FDFT1: variants seen among roughly 807,000 people sequenced by gnomAD.
FDFT1 encodes squalene synthase.
In FDFT1, 68 loss-of-function variants were observed where a neutral mutation model predicts 46.8. The ratio of observed to expected loss-of-function variants is 1.45; its 90% confidence interval spans 1.19 to 1.78. The LOEUF is 1.78. Among genes scored for constraint, FDFT1 ranks in the 40% most tolerant of loss-of-function variants. The probability of loss-of-function intolerance (pLI) is 0.00; values close to 1 mark genes in which losing one functional copy is unlikely to be tolerated. For synonymous variants in FDFT1, 351 were observed against 185.1 expected (o/e 1.90, Z -7.28); for missense variants, 928 against 524.4 (o/e 1.77, Z -7.52).
At chr8:11,797,708 GC>G (rs1182174389), upstream of FDFT1, among the ~76,000 whole-genome samples, 1 of 151,556 alleles carries the variant, frequency 6.6e-6, no homozygotes, top group Non-Finnish European at 1.5e-5. Context: ...TAAAGGAGAG[GC>G]CAGGAAACAC....
chr8:11,833,917 G>T (rs1811202834), intron 7 of FDFT1, among the ~76,000 whole-genome samples: 1 of 152,244 alleles, frequency 6.6e-6, no homozygotes, highest in African/African-American at 2.4e-5. Flanking sequence ...AATCTTTGAA[G>T]ATTTCTAAGT....
chr8:11,806,698 G>C (rs910321983), intron 1 of FDFT1, among the ~76,000 whole-genome samples: 2 of 152,134 alleles, frequency 1.3e-5, no homozygotes, highest in African/African-American at 2.4e-5. Flanking sequence ...GCCTGGTAAT[G>C]GTCAGGCTAT....
chr8:11,806,368 G>C (rs1048760294), intron 1 of FDFT1, among the ~76,000 whole-genome samples: 3 of 152,154 alleles, frequency 2.0e-5, no homozygotes, highest in Non-Finnish European at 4.4e-5. Context: ...TCCATAGTAT[G>C]CTTACTAGTT....
intron 1 of FDFT1, 60 bp from the exon 2 acceptor site, chr8:11,808,734 T>G (rs1267281653): frequency 1.3e-6 from 2 of 1,568,140 alleles, no homozygotes; most frequent in South Asian, 2.3e-5. Context: ...CCACTCCCAC[T>G]CCCACTCCCA....
intron 6 of FDFT1, 81 bp downstream of exon 6, chr8:11,830,501 T>C (rs1810629593): frequency 1.0e-6 from 1 of 973,044 alleles, no homozygotes; most frequent in Admixed American, 2.1e-5. Flanking sequence ...CTGTGCTATA[T>C]TCAAGGATAT....
At chr8:11,826,450 G>C (rs1341558419) in intron 5 of FDFT1, among the ~76,000 whole-genome samples, 1 of 152,182 alleles carries the variant, frequency 6.6e-6, no homozygotes, top group African/African-American at 2.4e-5. Flanking sequence ...ATTTCTTTCA[G>C]ACGGTCTTTC....
intron 3 of FDFT1, among the ~76,000 whole-genome samples, chr8:11,815,319 A>G (rs957242506): frequency 1.3e-5 from 2 of 152,120 alleles, no homozygotes; most frequent in African/African-American, 4.8e-5. Flanking sequence ...GAATAGTGCC[A>G]CAGTAAACAT....
chr8:11,800,535 A>C (rs1806012899), upstream of FDFT1, among the ~76,000 whole-genome samples: 1 of 152,214 alleles, frequency 6.6e-6, no homozygotes, highest in African/African-American at 2.4e-5. Flanking sequence ...AGAGGAGAAC[A>C]AAGGAAGGAG....
In FDFT1 at chr8:11,838,659, T is replaced by C. The variant is rs746629307; in HGVS notation, c.*50T>C. 2.9e-5 allele frequency: 41 copies of C among 1,399,652 alleles called. No homozygotes were observed. The African/African-American group carries it at 5.2e-4, about 18-fold the overall frequency. 86.7% of individuals were successfully genotyped at this position (1,399,652 alleles called of 1,614,324 possible). A position where few individuals can be genotyped will look rare whatever the true frequency, so the allele number is the denominator to read the frequency against. On this transcript the variant is annotated 3_prime_UTR_variant, in exon 8 of 8. Transcript: ENST00000220584. The stretch of plus-strand genomic sequence containing the variant: ...TCCACCATAAAGTGGATTTACTTTT[T>C]TTCTTTAAGGATGGATGTTGTGTTC...
intron 7 of FDFT1, among the ~76,000 whole-genome samples, chr8:11,837,954 G>C (rs1384091917): frequency 1.3e-5 from 2 of 152,194 alleles, no homozygotes; most frequent in Admixed American, 6.5e-5. Context: ...CCTTTGTCAA[G>C]CTGTGGTCTG....
chr8:11,797,715 A>C (rs1241796288), upstream of FDFT1, among the ~76,000 whole-genome samples: 2 of 152,074 alleles, frequency 1.3e-5, no homozygotes, highest in African/African-American at 4.8e-5. Context: ...GAGGCCAGGA[A>C]ACACCAGAAA....
At chr8:11,804,751 C>T (rs1585856484) in intron 1 of FDFT1, among the ~76,000 whole-genome samples, 1 of 151,744 alleles carries the variant, frequency 6.6e-6, no homozygotes. Flanking sequence ...GGATTACAGG[C>T]ACCTGCCACT....
At position 11,812,824 on chromosome 8, in the gene FDFT1, T is replaced by TA. The variant is rs750291774; in HGVS notation, c.381+2975dup. On this transcript the variant is annotated intron_variant, in intron 3 of 7. Coordinates refer to ENST00000220584, the MANE Select transcript of FDFT1 (RefSeq NM_004462.5). ...TTATACTTTAGTGATCATTAGTTGA[T>TA]ACCAGTTCAAGTCAGGCTTTCTAGA... Among the ~76,000 whole-genome samples, 7 of 152,348 alleles carry TA rather than the reference T, an allele frequency of 4.6e-5. 1 individual carries two copies. Among genetic ancestry groups the TA allele is most frequent in the South Asian group, 4.1e-4 (2 of 4,832 alleles).
intron 3 of FDFT1, among the ~76,000 whole-genome samples, chr8:11,813,930 C>T (rs377589258): frequency 2.0e-5 from 3 of 152,190 alleles, no homozygotes; most frequent in African/African-American, 7.2e-5. Context: ...CTGGGGAAAA[C>T]GTGGACCCCT....
chr8:11,806,740 C>T (rs975759146), intron 1 of FDFT1, among the ~76,000 whole-genome samples: 8 of 152,164 alleles, frequency 5.3e-5, no homozygotes, highest in East Asian at 1.9e-4. Flanking sequence ...CAGTCCAGAG[C>T]GGGTATTCTG....
At chr8:11,811,358 C>G (rs745839226) in intron 3 of FDFT1, among the ~76,000 whole-genome samples, 1 of 152,138 alleles carries the variant, frequency 6.6e-6, no homozygotes, top group Non-Finnish European at 1.5e-5. Context: ...TGGACCTAGC[C>G]TCTAGAAACA....
At chr8:11,802,438 T>C (rs998500571), upstream of FDFT1, 8 of 460,200 alleles carry the variant, frequency 1.7e-5, no homozygotes, top group Middle Eastern at 3.2e-4. Context: ...CCCCACAGCG[T>C]TCGCGCTCCC....
At chr8:11,802,172 G>T (rs750682810), upstream of FDFT1, 33 of 446,262 alleles carry the variant, frequency 7.4e-5, no homozygotes, top group Non-Finnish European at 1.3e-4. Flanking sequence ...GGATGGCGGT[G>T]GCGGGCAGGC....
At chr8:11,798,456 C>G (rs749429929), upstream of FDFT1, among the ~76,000 whole-genome samples, 1 of 150,832 alleles carries the variant, frequency 6.6e-6, no homozygotes, top group African/African-American at 2.4e-5. Context: ...GTGGCTTAAA[C>G]CAAGATGGAG....
Sources: gnomAD v4.1 joint callset for allele counts (sites outside exome capture counted in the v4.1 genomes callset) on GRCh38, gnomAD v4.1.1 for gene constraint, MANE v1.5 for transcripts, NCBI Gene and HGNC (gene_info 2026-07-23, HGNC 2026-07-21) for gene names.